Variants in PTGIS observed in about 807,000 individuals in gnomAD.
PTGIS encodes the protein prostaglandin I2 synthase, also known as prostacyclin synthase.
Under a neutral mutation model 50.3 loss-of-function variants are expected in PTGIS, and 45 were observed. The ratio of observed to expected loss-of-function variants is 0.90; its 90% CI spans 0.70 to 1.15. The LOEUF (loss-of-function observed/expected upper bound fraction) is 1.15. Among genes scored for constraint, PTGIS ranks in the 50% most tolerant of loss-of-function variants. The pLI is 0.00. For missense variants in PTGIS, 668 were observed against 661.3 expected, an observed-to-expected ratio of 1.01 and a Z score of -0.11; for synonymous variants, 260 against 267.7, an observed-to-expected ratio of 0.97 and a Z score of 0.28.
At chr20:49,534,459 C>T (rs1982020274) in intron 5 of PTGIS, among the ~76,000 whole-genome samples, 1 of 152,126 alleles carries the variant, frequency 6.6e-6, no homozygotes, top group Admixed American at 6.5e-5. Context: ...TTCCTATAGC[C>T]AGCCCAGGGC....
intron 1 of PTGIS, among the ~76,000 whole-genome samples, chr20:49,555,271 GA>G (rs36030905): frequency 0.96 from 144,279 of 149,634 alleles, 69,686 homozygotes; most frequent in East Asian, 1. Context: ...AGAGTGTCTC[GA>G]AAAAAAAAAA....
chr20:49,549,919 T>C, intron 2 of PTGIS, 147 bp downstream of exon 2: 11 of 1,211,866 alleles, frequency 9.1e-6, no homozygotes, highest in Admixed American at 1.7e-5. Flanking sequence ...GGCAGCTGGA[T>C]AGAAAGTTGG....
At chr20:49,515,499 C>T (rs966369797) in intron 6 of PTGIS, among the ~76,000 whole-genome samples, 1 of 152,122 alleles carries the variant, frequency 6.6e-6, no homozygotes, top group Non-Finnish European at 1.5e-5. Context: ...TTTTGTCTGC[C>T]GTGACTATTC....
rs1981148966 is a variant in PTGIS at position 49,506,262 on chromosome 20, T to G, written c.*1658A>C. 1 of 152,270 alleles carries G rather than the reference T, an allele frequency of 6.6e-6. No homozygotes were observed. The highest frequency in any genetic ancestry group is 2.1e-4 in the South Asian group (1 of 4,824). 9.4% of individuals were successfully genotyped at this position (152,270 alleles called of 1,614,324 possible). A position where few individuals can be genotyped will look rare whatever the true frequency, so the allele number is the denominator to read the frequency against. ...CTGTGAGGAGTAGACATACTGTCTG[T>G]AGGGTCTCTCGCAGGCATTTAAAGG... On this transcript the variant is annotated 3_prime_UTR_variant, in exon 10 of 10. Transcript: ENST00000244043.
intron 5 of PTGIS, among the ~76,000 whole-genome samples, chr20:49,531,172 C>T (rs763261518): frequency 1.3e-5 from 2 of 152,094 alleles, no homozygotes; most frequent in Admixed American, 6.5e-5. Flanking sequence ...GTTTAAACCA[C>T]GCGAAATAAT....
At chr20:49,544,571 C>A (rs368771230) in intron 3 of PTGIS, 123 bp from the exon 4 acceptor site, 4 of 1,028,990 alleles carry the variant, frequency 3.9e-6, no homozygotes, top group African/African-American at 1.6e-5. Context: ...AGAGGTCCTG[C>A]GGAAGAGTAG....
In PTGIS at chr20:49,506,794, C is replaced by T. The variant is rs941689879; in HGVS notation, c.*1126G>A. ...CTAAGAGTTAGAACAGGGTCTCACA[C>T]TCAGATGCCTTCAGGTCCAGGAGGC... On this transcript the variant is annotated 3_prime_UTR_variant, in exon 10 of 10. Transcript: ENST00000244043. 8 of 152,288 alleles carry T rather than the reference C, an allele frequency of 5.3e-5. No individual in the cohort carries two copies. Among genetic ancestry groups the T allele is most frequent in the African/African-American group, 1.9e-4 (8 of 41,460 alleles). The allele number at this position is 152,288 out of a possible 1,614,324, so 9.4% of individuals were successfully genotyped here. A position where few individuals can be genotyped will look rare whatever the true frequency, so the allele number is the denominator to read the frequency against.
Position 49,548,618 on chromosome 20 carries a change from G to T in PTGIS, c.199-599C>A, listed in dbSNP as rs577877702. Among the ~76,000 whole-genome samples the T allele has an allele frequency of 5.5e-4, 83 of 152,088 alleles. 2 individuals carry two copies. In the South Asian group the frequency reaches 0.017, roughly 31 times the overall value. On this transcript the variant is annotated intron_variant, in intron 2 of 9. Transcript: ENST00000244043. ...TGAATGGATACATGGATGAATAGAT[G>T]GATGGATGGATGGATGCTGTTGGGT...
At chr20:49,518,229 G>C (rs1311402133) in intron 6 of PTGIS, among the ~76,000 whole-genome samples, 1 of 152,232 alleles carries the variant, frequency 6.6e-6, no homozygotes, top group African/African-American at 2.4e-5. Context: ...TGATGTGTTA[G>C]TGTAGGTCAT....
chr20:49,568,130 G>GGGCTGGCGGGGCTGGCGA lies in PTGIS; in HGVS notation c.-15_-14insTCGCCAGCCCCGCCAGCC. 2.6e-6 allele frequency: 3 copies of GGGCTGGCGGGGCTGGCGA among 1,170,656 alleles called. No homozygotes were observed. Among genetic ancestry groups the GGGCTGGCGGGGCTGGCGA allele is most frequent in the South Asian group, 2.2e-5 (1 of 45,146 alleles). The allele number at this position is 1,170,656 out of a possible 1,614,324, so 72.5% of individuals were successfully genotyped here. A position where few individuals can be genotyped will look rare whatever the true frequency, so the allele number is the denominator to read the frequency against. ...GGCCCAAGCCATCGCGGGGCTGGCGGGGCTGGCGGGGCTGGCGGGGCTGGC... is the reference window on the plus strand; with the variant it reads ...GGCCCAAGCCATCGCGGGGCTGGCGGGGCTGGCGGGGCTGGCGAGGCTGGCGGGGCTGGCGGGGCTGGC... On this transcript the variant is annotated 5_prime_UTR_variant, in exon 1 of 10. Transcript: ENST00000244043.
In PTGIS at chr20:49,524,249, C is replaced by G. The variant is rs1008505344; in HGVS notation, c.674-10G>C. 6.2e-7 allele frequency: 1 copy of G among 1,613,698 alleles called. No homozygotes were observed. The highest frequency in any genetic ancestry group is 1.1e-5 in the South Asian group (1 of 91,070). On this transcript the variant is annotated splice_polypyrimidine_tract_variant and intron_variant, in intron 5 of 9. Transcript: ENST00000244043. ...ATGTGGTCCTTGTCCCCTGCAGGGA[C>G]AGAGCACAGAGAGTAGGGGTTACAG...
At chr20:49,548,129 C>T in intron 2 of PTGIS, 110 bp from the exon 3 acceptor site, 3 of 1,009,324 alleles carry the variant, frequency 3.0e-6, no homozygotes, top group Admixed American at 1.9e-5. Context: ...GACAGTAACA[C>T]ACTATGTTCT....
chr20:49,525,499 A>G (rs564272723), intron 5 of PTGIS, among the ~76,000 whole-genome samples: 3 of 152,152 alleles, frequency 2.0e-5, no homozygotes, highest in Admixed American at 2.0e-4. Flanking sequence ...ACAGACACAG[A>G]GAGTTCCCAA....
rs137940352 is a variant in PTGIS at position 49,535,668 on chromosome 20, C to A, written c.673+3902G>T. On this transcript the variant is annotated intron_variant, in intron 5 of 9. Transcript: ENST00000244043. Reference sequence around the variant, plus strand: ...TAGGTGGGATTACAGGCGCTTGCCGCCATGCCCGGCTAATTTTTTGTATTT... The same window carrying A: ...TAGGTGGGATTACAGGCGCTTGCCGACATGCCCGGCTAATTTTTTGTATTT... 4.9e-3 allele frequency among the ~76,000 whole-genome samples: 744 copies of A among 152,318 alleles called. 10 individuals are homozygous for A. Among genetic ancestry groups the A allele is most frequent in the African/African-American group, 0.017 (719 of 41,550 alleles).
At chr20:49,532,814 C>A (rs923354872) in intron 5 of PTGIS, among the ~76,000 whole-genome samples, 8 of 152,160 alleles carry the variant, frequency 5.3e-5, no homozygotes, top group Admixed American at 1.3e-4. Context: ...CCTCAGTTTC[C>A]CCCATGTGTA....
chr20:49,519,026 G>T (rs1981572972), intron 6 of PTGIS, among the ~76,000 whole-genome samples: 1 of 152,160 alleles, frequency 6.6e-6, no homozygotes, highest in African/African-American at 2.4e-5. Context: ...GATGGATGGG[G>T]CTGAGGGACA....
intron 1 of PTGIS, among the ~76,000 whole-genome samples, chr20:49,558,455 T>C (rs991021814): frequency 6.6e-6 from 1 of 152,164 alleles, no homozygotes; most frequent in African/African-American, 2.4e-5. Flanking sequence ...CCTCATACAT[T>C]GCTGGTGGGA....
At chr20:49,526,930 G>C (rs887420143) in intron 5 of PTGIS, among the ~76,000 whole-genome samples, 1 of 152,158 alleles carries the variant, frequency 6.6e-6, no homozygotes, top group African/African-American at 2.4e-5. Context: ...TCCTCAGAAA[G>C]TTAAAGAATT....
chr20:49,533,883 C>G (rs1425186928), intron 5 of PTGIS, among the ~76,000 whole-genome samples: 25 of 152,018 alleles, frequency 1.6e-4, no homozygotes, highest in African/African-American at 5.8e-4. Context: ...ATTGCTTGAA[C>G]CTGGGAGGCA....
Sources: allele counts gnomAD v4.1 joint callset (sites outside exome capture counted in the v4.1 genomes callset), GRCh38; gene constraint gnomAD v4.1.1; transcripts MANE v1.5; gene names NCBI Gene and HGNC (gene_info 2026-07-23, HGNC 2026-07-21).